The following FAM20A variants were observed in gnomAD, a reference collection of about 807,000 sequenced individuals.
FAM20A encodes FAM20A golgi associated secretory pathway pseudokinase.
FAM20A carries 42 observed loss-of-function variants against 52.0 expected under a neutral mutation model. The observed-to-expected ratio is 0.81, with a 90% CI of 0.63 to 1.04. The LOEUF is 1.04. FAM20A is among the 50% of genes least tolerant of loss of function. FAM20A has a pLI of 0.00. For synonymous variants in FAM20A, 304 were observed against 298.9 expected (o/e 1.02, Z -0.18); for missense variants, 742 against 712.7 (o/e 1.04, Z -0.47).
At chr17:68,552,258 A>T (rs1319568182) in intron 3 of FAM20A, among the ~76,000 whole-genome samples, 1 of 152,098 alleles carries the variant, frequency 6.6e-6, no homozygotes, top group Non-Finnish European at 1.5e-5. Flanking sequence ...AAAAAAGTAC[A>T]TTTTCTGCTG....
intron 1 of FAM20A, among the ~76,000 whole-genome samples, chr17:68,592,127 A>G (rs1457305156): frequency 7.0e-6 from 1 of 143,130 alleles, no homozygotes; most frequent in Non-Finnish European, 1.6e-5. Context: ...AACTTCTGCA[A>G]TGAAACTCTG....
Position 68,600,593 on chromosome 17 carries a change from A to G in FAM20A, c.74T>C (p.Phe25Ser). ...GCGCTGTACTTGGGGCCAGAGGTGGAAGTAGAGGTCGGCGGAGAGCAGCGC... is the reference window on the plus strand; with the variant it reads ...GCGCTGTACTTGGGGCCAGAGGTGGGAGTAGAGGTCGGCGGAGAGCAGCGC... ...LGALLSADLY[F>S]HLWPQVQRQL... The change falls in exon 1 of 11, where the codon TTC (phenylalanine) becomes TCC (serine). Residue 25 changes from phenylalanine (F) to serine (S), a missense_variant. Phe to Ser is a radical substitution (Grantham distance 155). Transcript: ENST00000592554. This position sits in a 1 kb window ranked among gnomAD's most constrained non-coding sequence, Gnocchi z 6.2. 1 of 1,563,488 alleles carries G rather than the reference A, an allele frequency of 6.4e-7. No homozygotes were observed. The highest frequency in any genetic ancestry group is 8.6e-7 in the Non-Finnish European group (1 of 1,156,280).
At chr17:68,551,221 C>A (rs2143653650) in intron 4 of FAM20A, 3 of 938,062 alleles carry the variant, frequency 3.2e-6, no homozygotes, top group South Asian at 5.5e-5. Context: ...TCTAAGGACT[C>A]AATACATATT....
At chr17:68,557,495 A>G (rs993621765) in intron 1 of FAM20A, 1 of 152,304 alleles carries the variant, frequency 6.6e-6, no homozygotes, top group South Asian at 2.1e-4. Context: ...ATGTCAGGTT[A>G]TAGCAAGAAG....
At chr17:68,575,225 GTAA>G (rs899262487) in intron 1 of FAM20A, 2 of 151,032 alleles carry the variant, frequency 1.3e-5, no homozygotes, top group Admixed American at 1.3e-4. Flanking sequence ...CAGTCAGTTT[GTAA>G]TAATGTGTTC....
chr17:68,542,229 G>T, intron 6 of FAM20A, 64 bp from the exon 7 acceptor site: 1 of 1,568,966 alleles, frequency 6.4e-7, no homozygotes, highest in East Asian at 2.3e-5. Flanking sequence ...CATCTTCCTG[G>T]CCTAGGAAAT....
chr17:68,580,368 G>A (rs566550860), intron 1 of FAM20A, among the ~76,000 whole-genome samples: 293 of 152,344 alleles, frequency 1.9e-3, no homozygotes, highest in African/African-American at 6.6e-3. Flanking sequence ...CTGGTTTCCC[G>A]AAATGGGCTG....
rs1381346457 is a variant in FAM20A, at chr17:68,600,866, CG to C, written c.-201del. ...CTTGGGGACCAGGTGCACGGAGCAC[CG>C]GGGCTCTCGGAGTCAGCGGGCGTCG... On this transcript the variant is annotated 5_prime_UTR_variant, in exon 1 of 11. Transcript: ENST00000592554. The surrounding 1 kb of genome is among the most constrained non-coding windows in gnomAD (Gnocchi z 6.2). 5.5e-6 allele frequency: 3 copies of C among 544,452 alleles called. No individual in the cohort carries two copies. Among genetic ancestry groups the C allele is most frequent in the Admixed American group, 3.8e-5 (1 of 26,394 alleles). The allele number at this position is 544,452 out of a possible 1,614,324, so 33.7% of individuals were successfully genotyped here. A position where few individuals can be genotyped will look rare whatever the true frequency, so the allele number is the denominator to read the frequency against.
At chr17:68,543,851 C>T in intron 4 of FAM20A, 130 bp from the exon 5 acceptor site, 1 of 793,876 alleles carries the variant, frequency 1.3e-6, no homozygotes, top group Non-Finnish European at 2.1e-6. Context: ...CAGGCGATGG[C>T]ACGGCAAGTC....
At chr17:68,550,821 A>G (rs1355066361) in intron 4 of FAM20A, among the ~76,000 whole-genome samples, 1 of 152,336 alleles carries the variant, frequency 6.6e-6, no homozygotes, top group African/African-American at 2.4e-5. Context: ...AAGTGAATCT[A>G]ACATGCAGCT....
intron 1 of FAM20A, among the ~76,000 whole-genome samples, chr17:68,561,941 G>A (rs1408722173): frequency 6.6e-6 from 1 of 152,126 alleles, no homozygotes; most frequent in Non-Finnish European, 1.5e-5. Flanking sequence ...TCCTGCCTCA[G>A]CCTCCCGAGT....
Position 68,555,780 on chromosome 17 carries a change from G to A in FAM20A, c.405-37C>T, listed in dbSNP as rs536131315. The A allele has an allele frequency of 1.9e-6, 3 of 1,607,766 alleles. 1 individual carries two copies. The African/African-American group carries it at 4.0e-5, about 21-fold the overall frequency. On this transcript the variant is annotated intron_variant, in intron 1 of 10. Coordinates refer to ENST00000592554, the MANE Select transcript of FAM20A (RefSeq NM_017565.4). ...AGATAGTTGTTCATTAGAGGAACAA[G>A]AATGCAAAGACCCACCAAGATACCT...
intron 4 of FAM20A, chr17:68,550,993 T>G (rs185175738): frequency 9.1e-7 from 1 of 1,100,198 alleles, no homozygotes; most frequent in East Asian, 3.2e-5. Flanking sequence ...AATCTGCCAG[T>G]CTAATTGTAT....
rs771423992 is a variant in FAM20A at position 68,540,970 on chromosome 17, A to G, written c.1110-12T>C. ...GATTGACCTCCCACCTGAGGGGGAG[A>G]AGAAGTCCTGGGGCTGGAAAAGCCA... On this transcript the variant is annotated splice_polypyrimidine_tract_variant and intron_variant, in intron 7 of 10. Transcript: ENST00000592554. 5.7e-6 allele frequency: 9 copies of G among 1,572,224 alleles called. No individual in the cohort carries two copies. In the East Asian group the frequency reaches 6.9e-5, roughly 12 times the overall value.
At position 68,600,004 on chromosome 17, in the gene FAM20A, G is replaced by C. The variant is rs958032296; in HGVS notation, c.404+259C>G. ...GACGACCCAGGCGCTCAAGGGGAAGGGGCTGAGAGCGTTTCTTCGCTGTGC... is the reference window on the plus strand; with the variant it reads ...GACGACCCAGGCGCTCAAGGGGAAGCGGCTGAGAGCGTTTCTTCGCTGTGC... On this transcript the variant is annotated intron_variant, in intron 1 of 10. Transcript: ENST00000592554. The surrounding 1 kb of genome is among the most constrained non-coding windows in gnomAD (Gnocchi z 6.2). Among the ~76,000 whole-genome samples the C allele has an allele frequency of 6.6e-6, 1 of 152,184 alleles. No homozygotes were observed. Among genetic ancestry groups the C allele is most frequent in the Non-Finnish European group, 1.5e-5 (1 of 68,038 alleles).
chr17:68,554,045 T>TACATATATACACATATACATATATAC (rs2086975118), intron 3 of FAM20A, among the ~76,000 whole-genome samples: 1 of 133,164 alleles, frequency 7.5e-6, no homozygotes. Context: ...CATGCATATA[T>TACATATATACACATATACATATATAC]ACACATATAC....
chr17:68,594,680 CCT>C (rs1490936050), intron 1 of FAM20A, among the ~76,000 whole-genome samples: 2 of 152,126 alleles, frequency 1.3e-5, no homozygotes, highest in Admixed American at 6.5e-5. Context: ...GACTGTAGTC[CCT>C]GTTTCCTTGC....
intron 3 of FAM20A, among the ~76,000 whole-genome samples, chr17:68,553,977 C>CATAT (rs1441007117): frequency 0.042 from 4,622 of 108,956 alleles, 164 homozygotes; most frequent in Non-Finnish European, 0.046. Context: ...TATATACACA[C>CATAT]ATGCATATAT....
intron 2 of FAM20A, 91 bp downstream of exon 2, chr17:68,555,468 A>G (rs1205002533): frequency 1.4e-6 from 2 of 1,414,020 alleles, no homozygotes; most frequent in Non-Finnish European, 2.0e-6. Flanking sequence ...TCAAGCCTCT[A>G]ATGTTCCACT....
Sources: gnomAD v4.1 joint callset for allele counts (sites outside exome capture counted in the v4.1 genomes callset) on GRCh38, gnomAD v4.1.1 for gene constraint, Gnocchi (gnomAD v3.1) non-coding constraint, MANE v1.5 for transcripts, NCBI Gene and HGNC (gene_info 2026-07-23, HGNC 2026-07-21) for gene names.